Variants in GCKR observed in about 807,000 individuals in gnomAD.
The protein encoded by GCKR is glucokinase regulator.
A neutral mutation model predicts 82.9 loss-of-function variants in GCKR; 73 were observed. The ratio of observed to expected loss-of-function variants is 0.88; its 90% CI spans 0.73 to 1.07. The LOEUF is 1.07. GCKR is among the 50% of genes least tolerant of loss of function. GCKR has a pLI of 0.00. For missense variants in GCKR, 784 were observed against 782.1 expected (o/e 1.00, Z -0.03); for synonymous variants, 294 against 291.8 (o/e 1.01, Z -0.08).
At chr2:27,504,687 TTGTC>T (rs912389897) in intron 9 of GCKR, among the ~76,000 whole-genome samples, 7 of 152,100 alleles carry the variant, frequency 4.6e-5, no homozygotes, top group African/African-American at 9.7e-5. Context: ...TGTAGCCTCT[TTGTC>T]TGTCTGGTGT....
intron 18 of GCKR, among the ~76,000 whole-genome samples, chr2:27,522,991 G>A (rs191135137): frequency 1.3e-5 from 2 of 150,676 alleles, no homozygotes; most frequent in Admixed American, 1.3e-4. Flanking sequence ...CTCTGCCCCC[G>A]GGTTCAAGAG....
chr2:27,497,499 G>T, intron 2 of GCKR, 63 bp from the exon 3 acceptor site: 3 of 1,565,550 alleles, frequency 1.9e-6, no homozygotes, highest in Non-Finnish European at 2.6e-6. Flanking sequence ...GAAACCCTGA[G>T]ACCCCCTCCC....
At chr2:27,520,348 A>G (rs814295) in intron 17 of GCKR, among the ~76,000 whole-genome samples, 27,789 of 152,080 alleles carry the variant, frequency 0.18, 2,782 homozygotes, top group East Asian at 0.34. Context: ...TGGCTTGGAT[A>G]GGTGGACAGA....
At chr2:27,514,091 A>C (rs903438992) in intron 16 of GCKR, among the ~76,000 whole-genome samples, 1 of 151,832 alleles carries the variant, frequency 6.6e-6, no homozygotes, top group African/African-American at 2.4e-5. Flanking sequence ...AGTATTTAGA[A>C]ACCCAAATGC....
intron 12 of GCKR, 102 bp downstream of exon 12, chr2:27,506,987 G>T (rs1174057835): frequency 1.2e-6 from 1 of 833,542 alleles, no homozygotes; most frequent in Non-Finnish European, 2.1e-6. Flanking sequence ...GTGTTCCTCA[G>T]TGTCCCACCT....
intron 17 of GCKR, 24 bp downstream of exon 17, chr2:27,518,961 TG>T: frequency 1.4e-6 from 1 of 735,084 alleles, no homozygotes; most frequent in Non-Finnish European, 2.3e-6. Context: ...GGGGCAGGGT[TG>T]GGTGGGACCT....
chr2:27,519,758 A>G (rs747892816), intron 17 of GCKR, among the ~76,000 whole-genome samples: 26 of 152,282 alleles, frequency 1.7e-4, no homozygotes, highest in Non-Finnish European at 3.1e-4. Flanking sequence ...CTTGGGACAC[A>G]TGCATGTCCC....
chr2:27,501,771 C>A (rs540823115), intron 8 of GCKR: 1 of 471,390 alleles, frequency 2.1e-6, no homozygotes, highest in African/African-American at 2.0e-5. Flanking sequence ...AAATCACCTC[C>A]CTCTTATTCT....
intron 16 of GCKR, among the ~76,000 whole-genome samples, chr2:27,516,648 G>A (rs1670018227): frequency 6.6e-6 from 1 of 152,038 alleles, no homozygotes; most frequent in African/African-American, 2.4e-5. Flanking sequence ...TTTTCCATGT[G>A]TACTTTAAAA....
chr2:27,512,235 C>CA (rs60079696), intron 16 of GCKR, among the ~76,000 whole-genome samples: 21,653 of 46,096 alleles, frequency 0.47, 5,527 homozygotes, highest in African/African-American at 0.53. Context: ...GACTCCATCT[C>CA]AAAAAAAAAA....
At chr2:27,515,765 ATTTTTT>A (rs60183178) in intron 16 of GCKR, among the ~76,000 whole-genome samples, 1 of 106,922 alleles carries the variant, frequency 9.4e-6, no homozygotes, top group Non-Finnish European at 1.8e-5. Flanking sequence ...ATATATATAT[ATTTTTT>A]TTTTTTTTTT....
intron 1 of GCKR, 62 bp from the exon 2 acceptor site, chr2:27,497,182 G>T (rs776905036): frequency 1.1e-4 from 167 of 1,590,280 alleles, no homozygotes; most frequent in Non-Finnish European, 1.4e-4. Flanking sequence ...CCCACCTCCA[G>T]CTCAGCAGGC....
At chr2:27,509,603 A>C (rs1318915008) in intron 16 of GCKR, 1 of 411,432 alleles carries the variant, frequency 2.4e-6, no homozygotes, top group East Asian at 7.5e-5. Flanking sequence ...TAGCCTCCCA[A>C]AGTGCTGAGA....
intron 5 of GCKR, 142 bp downstream of exon 5, chr2:27,498,939 C>T: frequency 6.8e-6 from 5 of 733,572 alleles, no homozygotes; most frequent in Non-Finnish European, 1.2e-5. Context: ...TGGCCCACTT[C>T]ACATACTTAT....
chr2:27,514,253 G>GTATATA (rs138762435), intron 16 of GCKR, among the ~76,000 whole-genome samples: 6 of 150,122 alleles, frequency 4.0e-5, no homozygotes, highest in African/African-American at 1.2e-4. Flanking sequence ...ATGTGTCTGC[G>GTATATA]TATATATATA....
rs192016718 is a variant in GCKR at position 27,518,876 on chromosome 2, A to G, written c.1511A>G (p.His504Arg). Residue 504 changes from histidine to arginine, a missense_variant, in exon 17 of 19, where the codon CAC becomes CGC. By Grantham distance (29) the His-to-Arg change is conservative. Coordinates refer to ENST00000264717, the MANE Select transcript of GCKR (RefSeq NM_001486.4). ...HVLLGKILQN[H>R]MLDLRISNSK... ...CTTCTTGGTAAGATCCTACAAAACC[A>G]CATGTTGGACCTTCGGATTAGCAAC... 83 of 1,613,162 alleles carry G rather than the reference A, an allele frequency of 5.1e-5. 1 individual carries two copies. Among genetic ancestry groups the G allele is most frequent in the Admixed American group, 6.7e-5 (4 of 59,990 alleles).
chr2:27,499,486 GA>G, intron 7 of GCKR, 36 bp downstream of exon 7: 1 of 1,347,228 alleles, frequency 7.4e-7, no homozygotes, highest in Non-Finnish European at 1.1e-6. Flanking sequence ...ATCAATTTTA[GA>G]GAGAGGAAGT....
chr2:27,498,953 G>A (rs774352974), intron 5 of GCKR, among the ~76,000 whole-genome samples, 156 bp downstream of exon 5: 1 of 152,184 alleles, frequency 6.6e-6, no homozygotes, highest in African/African-American at 2.4e-5. Flanking sequence ...TACTTATGTC[G>A]CCTGACTGGC....
At position 27,523,475 on chromosome 2, in the gene GCKR, C is replaced by T. The variant is rs1670201666; in HGVS notation, c.*36C>T. 1 of 1,593,532 alleles carries T rather than the reference C, an allele frequency of 6.3e-7. No individual in the cohort carries two copies. Among genetic ancestry groups the T allele is most frequent in the Admixed American group, 1.7e-5 (1 of 59,970 alleles). On this transcript the variant is annotated 3_prime_UTR_variant, in exon 19 of 19. Coordinates refer to ENST00000264717, the MANE Select transcript of GCKR (RefSeq NM_001486.4). Reference sequence around the variant, plus strand: ...CTGGGTGGGTGAAAGGGGCCCAACCCTGCCCACTTCAGCCCAGCCCGCCCA... The same window carrying T: ...CTGGGTGGGTGAAAGGGGCCCAACCTTGCCCACTTCAGCCCAGCCCGCCCA...
Sources: gnomAD v4.1 joint callset for allele counts (sites outside exome capture counted in the v4.1 genomes callset) on GRCh38, gnomAD v4.1.1 for gene constraint, MANE v1.5 for transcripts, NCBI Gene and HGNC (gene_info 2026-07-23, HGNC 2026-07-21) for gene names.